INTS9: variants seen among roughly 807,000 people sequenced by gnomAD.
INTS9 encodes the protein integrator complex subunit 9, also known as protein related to CPSF subunits of 74 kDa.
INTS9 carries 55 observed loss-of-function variants against 79.7 expected under a neutral mutation model. The ratio of observed to expected loss-of-function variants is 0.69; its 90% CI spans 0.56 to 0.86. The LOEUF (loss-of-function observed/expected upper bound fraction) is 0.86, where lower values mean the gene tolerates loss of function less well. Ranked by LOEUF, INTS9 falls within the 40% of genes least tolerant of loss-of-function variation. The probability of loss-of-function intolerance (pLI) is 0.00; values close to 1 mark genes in which losing one functional copy is unlikely to be tolerated. For missense variants in INTS9, 721 were observed against 831.5 expected (o/e 0.87, Z 1.64); for synonymous variants, 319 against 325.2 (o/e 0.98, Z 0.20).
At chr8:28,882,539 A>G (rs1305356415) in intron 1 of INTS9, among the ~76,000 whole-genome samples, 2 of 143,838 alleles carry the variant, frequency 1.4e-5, no homozygotes, top group Non-Finnish European at 3.0e-5. Context: ...AGCTAAAAAA[A>G]AAAAAAAAGA....
At position 28,787,648 on chromosome 8, in the gene INTS9, T is replaced by C. The variant is rs1390113151; in HGVS notation, c.1098+181A>G. ...GCTGCTCCACGTGCGCAATAGAAAG[T>C]GTTAATAGGAGGAAAGCAAGTGAAG... On this transcript the variant is annotated intron_variant, in intron 11 of 16. Coordinates refer to ENST00000521022, the MANE Select transcript of INTS9 (RefSeq NM_018250.4). Among the ~76,000 whole-genome samples, 5 of 152,252 alleles carry C rather than the reference T, an allele frequency of 3.3e-5. No individual in the cohort carries two copies. The East Asian group carries it at 9.7e-4, about 29-fold the overall frequency.
At chr8:28,786,866 C>T (rs922114960) in intron 11 of INTS9, among the ~76,000 whole-genome samples, 10 of 152,010 alleles carry the variant, frequency 6.6e-5, no homozygotes, top group East Asian at 3.9e-4. Context: ...TACAGGCACC[C>T]GCCACCACGC....
chr8:28,859,605 AAG>A (rs1215056792), intron 1 of INTS9, 42 bp from the exon 2 acceptor site: 13 of 1,603,504 alleles, frequency 8.1e-6, no homozygotes, highest in Non-Finnish European at 1.1e-5. Context: ...TCAATTACAG[AAG>A]AATCCTACAA....
intron 13 of INTS9, 156 bp from the exon 14 acceptor site, chr8:28,776,082 A>T (rs1324159388): frequency 7.3e-6 from 4 of 545,134 alleles, no homozygotes; most frequent in Non-Finnish European, 1.3e-5. Flanking sequence ...TGAACCGTAG[A>T]CAGGAGAGGG....
intron 5 of INTS9, 152 bp from the exon 6 acceptor site, chr8:28,835,530 C>A: frequency 3.6e-6 from 2 of 553,348 alleles, no homozygotes; most frequent in Non-Finnish European, 6.4e-6. Flanking sequence ...ACTTGATCAC[C>A]ATTTGATATA....
rs757992534 is a variant in INTS9, at chr8:28,889,844, T to C, written c.9+30A>G. 6 of 1,613,518 alleles carry C rather than the reference T, an allele frequency of 3.7e-6. No homozygotes were observed. The African/African-American group carries it at 6.7e-5, about 18-fold the overall frequency. On this transcript the variant is annotated intron_variant, in intron 1 of 16. Transcript: ENST00000521022. ...GGTCCAAAAGGTTATAGCATCACCT[T>C]TGCCCTCTGACCTAGGAGCGAAGAC...
intron 11 of INTS9, among the ~76,000 whole-genome samples, chr8:28,784,732 G>A (rs1239948657): frequency 6.6e-6 from 1 of 152,190 alleles, no homozygotes; most frequent in East Asian, 1.9e-4. Flanking sequence ...TCAAAGAAAT[G>A]AGTGTGGGGA....
rs757365622 is a variant in INTS9 at position 28,793,899 on chromosome 8, G to A, written c.945C>T (p.Tyr315=). 9.9e-6 allele frequency: 16 copies of A among 1,613,970 alleles called. No homozygotes were observed. Among genetic ancestry groups the A allele is most frequent in the African/African-American group, 1.3e-5 (1 of 74,896 alleles). The part of the protein sequence containing the change: ...IYDLLECLYQ[Y]IDSAGLSSVP... ...CGCTGGAAAGCCCGGCTGAGTCGATGTACTGATATAGGCACTCCAGGAGGT... is the reference window on the plus strand; with the variant it reads ...CGCTGGAAAGCCCGGCTGAGTCGATATACTGATATAGGCACTCCAGGAGGT... Residue 315 remains tyrosine (Y), a synonymous_variant, in exon 10 of 17, where the codon TAC becomes TAT. Transcript: ENST00000521022.
At position 28,813,537 on chromosome 8, in the gene INTS9, G is replaced by T. The variant is rs1281494905; in HGVS notation, c.564C>A (p.Asn188Lys). ...WRRCYTMQEV[N>K]SALSKIQLVG... is the part of the protein sequence containing the mutation. Reference sequence around the variant, plus strand: ...CCAGCTGGATTTTACTAAGGGCAGAGTTCACCTCTTGCATTGTATAGCATC... The same window carrying T: ...CCAGCTGGATTTTACTAAGGGCAGATTTCACCTCTTGCATTGTATAGCATC... The change falls in exon 7 of 17, where the codon AAC becomes AAA. Residue 188 changes from asparagine (N) to lysine (K), a missense_variant. Transcript: ENST00000521022. The T allele has an allele frequency of 6.2e-7, 1 of 1,613,390 alleles. No homozygotes were observed. Among genetic ancestry groups the T allele is most frequent in the African/African-American group, 1.3e-5 (1 of 74,892 alleles).
intron 8 of INTS9, among the ~76,000 whole-genome samples, chr8:28,800,947 G>T: frequency 6.6e-6 from 1 of 152,138 alleles, no homozygotes; most frequent in East Asian, 1.9e-4. Context: ...CAGGTGGAGG[G>T]CCAGTAAATT....
intron 7 of INTS9, 40 bp downstream of exon 7, chr8:28,813,452 A>G: frequency 1.3e-6 from 2 of 1,579,664 alleles, no homozygotes; most frequent in Non-Finnish European, 1.7e-6. Context: ...TATGAATGGA[A>G]AGCATTCATG....
chr8:28,881,510 C>T (rs1809805944), intron 1 of INTS9, among the ~76,000 whole-genome samples: 1 of 143,606 alleles, frequency 7.0e-6, no homozygotes, highest in Non-Finnish European at 1.6e-5. Flanking sequence ...GCCAGCCGCC[C>T]CGTCCGGGAG....
intron 4 of INTS9, among the ~76,000 whole-genome samples, chr8:28,846,369 C>CTGGCATTGGCTAAATGA (rs67398226): frequency 0.017 from 2,601 of 152,144 alleles, 76 homozygotes; most frequent in African/African-American, 0.06. Context: ...TTACAGTTTA[C>CTGGCATTGGCTAAATGA]TAGCAATTGT....
intron 2 of INTS9, among the ~76,000 whole-genome samples, chr8:28,850,715 C>A (rs1336724938): frequency 1.3e-5 from 2 of 152,188 alleles, no homozygotes; most frequent in Admixed American, 6.5e-5. Context: ...ATCTTCCCAT[C>A]AGCATTCACA....
At chr8:28,777,209 C>T (rs1041733735) in intron 13 of INTS9, among the ~76,000 whole-genome samples, 4 of 152,122 alleles carry the variant, frequency 2.6e-5, no homozygotes, top group African/African-American at 4.8e-5. Flanking sequence ...AGGGAGAGCT[C>T]TTCCTCGCCG....
At chr8:28,843,743 T>A (rs540631111) in intron 4 of INTS9, among the ~76,000 whole-genome samples, 8 of 152,226 alleles carry the variant, frequency 5.3e-5, no homozygotes, top group Non-Finnish European at 8.8e-5. Context: ...TTTTTTTTTT[T>A]TTAAACAATG....
chr8:28,824,211 C>T (rs932704152), intron 6 of INTS9, among the ~76,000 whole-genome samples: 17 of 152,352 alleles, frequency 1.1e-4, no homozygotes, highest in Middle Eastern at 6.8e-3. Flanking sequence ...TCCTTGCCTA[C>T]AGGCTGGCCT....
At chr8:28,816,441 A>G (rs1805485742) in intron 6 of INTS9, among the ~76,000 whole-genome samples, 1 of 151,416 alleles carries the variant, frequency 6.6e-6, no homozygotes, top group Non-Finnish European at 1.5e-5. Context: ...ACTGTGAATG[A>G]TGATTTCCAA....
In INTS9 at chr8:28,780,937, C is replaced by T. The variant is rs771987070; in HGVS notation, c.1156G>A (p.Asp386Asn). ...YPSIHGDFSN[D>N]FRQPCVVFTG... The stretch of plus-strand genomic sequence containing the variant: ...AACACCACACAGGGCTGTCTAAAGT[C>T]GTTGCTGAAGTCTCCGTGGATGCTG... The change falls in exon 12 of 17, where the codon GAC becomes AAC. Residue 386 changes from aspartate to asparagine, a missense_variant. Transcript: ENST00000521022. 38 of 1,613,986 alleles carry T rather than the reference C, an allele frequency of 2.4e-5. No homozygotes were observed. Among genetic ancestry groups the T allele is most frequent in the African/African-American group, 1.1e-4 (8 of 74,916 alleles).
Sources: gnomAD v4.1 joint callset for allele counts (sites outside exome capture counted in the v4.1 genomes callset) on GRCh38, gnomAD v4.1.1 for gene constraint, MANE v1.5 for transcripts, NCBI Gene and HGNC (gene_info 2026-07-23, HGNC 2026-07-21) for gene names.